Variants in ROR2 observed in about 807,000 individuals in gnomAD.
ROR2 encodes ROR family WNT receptor 2, also known as tyrosine-protein kinase transmembrane receptor ROR2.
Under a neutral mutation model 74.9 loss-of-function variants are expected in ROR2, and 33 were observed. The observed-to-expected ratio is 0.44, with a 90% CI of 0.33 to 0.59. The LOEUF (loss-of-function observed/expected upper bound fraction) is 0.59, where lower values mean the gene tolerates loss of function less well. Ranked by LOEUF, ROR2 falls within the 20% of genes least tolerant of loss-of-function variation. ROR2 has a pLI of 0.02. For missense variants in ROR2, 1,216 were observed against 1,313.8 expected (o/e 0.93, Z 1.15); for synonymous variants, 586 against 558.7 (o/e 1.05, Z -0.69).
chr9:91,947,674 T>C (rs1832046072), intron 1 of ROR2, among the ~76,000 whole-genome samples: 1 of 152,130 alleles, frequency 6.6e-6, no homozygotes, highest in South Asian at 2.1e-4. Flanking sequence ...CTAGGATTGG[T>C]ATATAGTCCC....
chr9:91,763,979 T>C (rs1444689445), intron 2 of ROR2, among the ~76,000 whole-genome samples: 3 of 152,236 alleles, frequency 2.0e-5, no homozygotes, highest in African/African-American at 7.2e-5. Flanking sequence ...GGCAGAGTTT[T>C]AAGTGCCCAT....
intron 1 of ROR2, among the ~76,000 whole-genome samples, chr9:91,848,864 T>C (rs1344389586): frequency 6.6e-6 from 1 of 152,100 alleles, no homozygotes; most frequent in Non-Finnish European, 1.5e-5. Context: ...TTTATACTAT[T>C]ATCCAGGTAG....
At chr9:91,945,222 C>T (rs1020874841) in intron 1 of ROR2, among the ~76,000 whole-genome samples, 1 of 152,148 alleles carries the variant, frequency 6.6e-6, no homozygotes, top group Non-Finnish European at 1.5e-5. Context: ...GGAAGTGAAT[C>T]TTTAATTTCT....
intron 1 of ROR2, among the ~76,000 whole-genome samples, chr9:91,841,861 G>C (rs1828792256): frequency 6.6e-6 from 1 of 152,230 alleles, no homozygotes; most frequent in African/African-American, 2.4e-5. Flanking sequence ...AGCAGCCTAT[G>C]CATTTCCTCC....
chr9:91,866,564 C>T (rs10820907), intron 1 of ROR2, among the ~76,000 whole-genome samples: 44,160 of 151,640 alleles, frequency 0.29, 6,813 homozygotes, highest in Admixed American at 0.45. Context: ...ATTACAGCTG[C>T]GCCACCACGC....
rs1837043996 is a variant in ROR2, at chr9:91,726,593, A to G, written c.1334T>C (p.Met445Thr). The change falls in exon 8 of 9, where the codon ATG becomes ACG. Residue 445 changes from methionine (M) to threonine (T), a missense_variant. Physicochemically the swap from Met to Thr is moderately conservative, Grantham distance 81. Transcript: ENST00000375708. ...TTCCATGTCTTGGCTGGGCGAGGCC[A>G]TCAGCTGTCGCCGCTGCGGTGTGGA... ...SASTPQRRQL[M>T]ASPSQDMEMP... The G allele has an allele frequency of 6.2e-7, 1 of 1,613,604 alleles. No individual in the cohort carries two copies. Among genetic ancestry groups the G allele is most frequent in the African/African-American group, 1.3e-5 (1 of 74,878 alleles).
chr9:91,845,886 A>T (rs1345977514), intron 1 of ROR2, among the ~76,000 whole-genome samples: 1 of 130,922 alleles, frequency 7.6e-6, no homozygotes, highest in Admixed American at 7.1e-5. Flanking sequence ...TCAAAAAAAA[A>T]AAAAAAAAAA....
At chr9:91,931,344 T>C (rs1469705583) in intron 1 of ROR2, among the ~76,000 whole-genome samples, 2 of 152,208 alleles carry the variant, frequency 1.3e-5, no homozygotes, top group Admixed American at 6.5e-5. Context: ...CACTTTAAAA[T>C]GATTAAGAGT....
chr9:91,827,408 A>T (rs1235007846), intron 1 of ROR2, among the ~76,000 whole-genome samples: 1 of 152,110 alleles, frequency 6.6e-6, no homozygotes. Flanking sequence ...TAAAACCCCA[A>T]CTCGTAAATA....
intron 1 of ROR2, among the ~76,000 whole-genome samples, chr9:91,802,266 T>G (rs1479551115): frequency 6.6e-6 from 1 of 151,828 alleles, no homozygotes. Context: ...TTAGTAGAGA[T>G]GGGGTTTCAC....
chr9:91,846,811 C>G (rs1220785974), intron 1 of ROR2, among the ~76,000 whole-genome samples: 1 of 152,184 alleles, frequency 6.6e-6, no homozygotes, highest in East Asian at 1.9e-4. Context: ...AGCCACTGGG[C>G]TGGAGTCTGT....
intron 1 of ROR2, among the ~76,000 whole-genome samples, chr9:91,851,979 A>G (rs1296505248): frequency 6.6e-6 from 1 of 151,812 alleles, no homozygotes; most frequent in Non-Finnish European, 1.5e-5. Flanking sequence ...CTGTTAAAAA[A>G]AAAAAAAAAA....
chr9:91,726,087 C>A (rs897371420), intron 8 of ROR2, among the ~76,000 whole-genome samples: 1 of 152,236 alleles, frequency 6.6e-6, no homozygotes, highest in African/African-American at 2.4e-5. Flanking sequence ...GAGGGGTGGC[C>A]TTTTAGTGGT....
At chr9:91,725,604 A>G (rs1837000703) in intron 8 of ROR2, among the ~76,000 whole-genome samples, 1 of 152,164 alleles carries the variant, frequency 6.6e-6, no homozygotes. Flanking sequence ...TGTCACTTAT[A>G]AGAGTCCAAG....
chr9:91,883,099 T>C (rs1830163280), intron 1 of ROR2, among the ~76,000 whole-genome samples: 2 of 152,222 alleles, frequency 1.3e-5, no homozygotes, highest in African/African-American at 4.8e-5. Flanking sequence ...ATTTCGGATT[T>C]TTGGATTAGA....
intron 1 of ROR2, among the ~76,000 whole-genome samples, chr9:91,837,445 A>G (rs1828643483): frequency 6.6e-6 from 1 of 152,242 alleles, no homozygotes; most frequent in Non-Finnish European, 1.5e-5. Context: ...CAAAACTTGT[A>G]ACAATAAAAA....
At chr9:91,810,714 G>A (rs1163483223) in intron 1 of ROR2, among the ~76,000 whole-genome samples, 3 of 152,216 alleles carry the variant, frequency 2.0e-5, no homozygotes, top group Non-Finnish European at 4.4e-5. Context: ...AGGCAGCACC[G>A]GGAGCCCTGC....
At chr9:91,830,282 C>G (rs1255075696) in intron 1 of ROR2, among the ~76,000 whole-genome samples, 1 of 152,092 alleles carries the variant, frequency 6.6e-6, no homozygotes, top group African/African-American at 2.4e-5. Flanking sequence ...CTGGGCAACA[C>G]AGTGACACCC....
chr9:91,852,651 C>CACACACACACACACACACACACACACA lies in ROR2; in HGVS notation c.98-76834_98-76833insTGTGTGTGTGTGTGTGTGTGTGTGTGT, dbSNP rs1231343818. The stretch of plus-strand genomic sequence containing the variant: ...CACACACACACACACACACACACAC[C>CACACACACACACACACACACACACACA]CACACACACAATGTAAGTCCATAAG... On this transcript the variant is annotated intron_variant, in intron 1 of 8. Coordinates refer to ENST00000375708, the MANE Select transcript of ROR2 (RefSeq NM_004560.4). 9.3e-4 allele frequency among the ~76,000 whole-genome samples: 133 copies of CACACACACACACACACACACACACACA among 143,246 alleles called. 4 individuals are homozygous for CACACACACACACACACACACACACACA. Among genetic ancestry groups the CACACACACACACACACACACACACACA allele is most frequent in the African/African-American group, 3.5e-3 (128 of 36,910 alleles). The allele number at this position is 143,246 out of a possible 152,430, so 94.0% of individuals were successfully genotyped here.
Sources: allele counts gnomAD v4.1 joint callset (sites outside exome capture counted in the v4.1 genomes callset), GRCh38; gene constraint gnomAD v4.1.1; transcripts MANE v1.5; gene names NCBI Gene and HGNC (gene_info 2026-07-23, HGNC 2026-07-21).